Variants in GALT observed in about 807,000 individuals in gnomAD.
GALT encodes the protein UDP-glucose--hexose-1-phosphate uridylyltransferase.
In GALT, 42 loss-of-function variants were observed where a neutral mutation model predicts 55.4. The observed-to-expected ratio is 0.76, with a 90% CI of 0.59 to 0.98. The LOEUF is 0.98. Ranked by LOEUF, GALT falls within the 50% of genes least tolerant of loss-of-function variation. The pLI, the probability that GALT is intolerant of heterozygous loss-of-function variation, is 0.00. For missense variants in GALT, 407 were observed against 495.7 expected (o/e 0.82, Z 1.70); for synonymous variants, 154 against 181.5 (o/e 0.85, Z 1.22).
chr9:34,650,055 G>A (rs1587241307), intron 10 of GALT: 1 of 382,996 alleles, frequency 2.6e-6, no homozygotes, highest in East Asian at 5.3e-5. Flanking sequence ...CAAGATGGGA[G>A]GATTGCTTGA....
chr9:34,648,701 G>A lies in GALT; in HGVS notation c.688-61G>A. ...TTTCTTCTGCTTCCCTTGCCTATTT[G>A]CTGACCACACTCCGGCTCCTATGTC... On this transcript the variant is annotated intron_variant, in intron 7 of 10. Transcript: ENST00000378842. The surrounding 1 kb of genome is among the most constrained non-coding windows in gnomAD (Gnocchi z 4.9). 6.2e-7 allele frequency: 1 copy of A among 1,604,848 alleles called. No individual in the cohort carries two copies.
chr9:34,649,681 C>A (rs1821206635), intron 10 of GALT, 117 bp downstream of exon 10: 1 of 1,264,848 alleles, frequency 7.9e-7, no homozygotes, highest in Non-Finnish European at 1.1e-6. Context: ...ACAGCTCTGG[C>A]AGGAAGGGAC....
chr9:34,650,526 C>G lies in GALT; in HGVS notation c.*77C>G. On this transcript the variant is annotated 3_prime_UTR_variant, in exon 11 of 11. Coordinates refer to ENST00000378842, the MANE Select transcript of GALT (RefSeq NM_000155.4). ...GAATTAAGCAGAAAGGGCCTTGAAT[C>G]CTGGCCTGGAATTTGGGCAGATATA... 1 of 1,362,134 alleles carries G rather than the reference C, an allele frequency of 7.3e-7. No homozygotes were observed. The highest frequency in any genetic ancestry group is 1.0e-6 in the Non-Finnish European group (1 of 955,520). 84.4% of individuals were successfully genotyped at this position (1,362,134 alleles called of 1,614,324 possible).
rs111033780 is a variant in GALT at position 34,649,048 on chromosome 9, G to C, written c.871G>C (p.Glu291Gln). ...KLLTKYDNLF[E>Q]TSFPYSMGWH... Reference sequence around the variant, plus strand: ...CTTGACCAAGTATGACAACCTCTTTGAGACGTCCTTTCCCTACTCCATGGG... The same window carrying C: ...CTTGACCAAGTATGACAACCTCTTTCAGACGTCCTTTCCCTACTCCATGGG... Residue 291 changes from glutamate to glutamine, a missense_variant, in exon 9 of 11, where the codon GAG becomes CAG. Glu to Gln is a conservative substitution (Grantham distance 29, BLOSUM62 2). Transcript: ENST00000378842. 6.2e-7 allele frequency: 1 copy of C among 1,614,100 alleles called. No individual in the cohort carries two copies. Among genetic ancestry groups the C allele is most frequent in the Non-Finnish European group, 8.5e-7 (1 of 1,180,010 alleles).
rs111033806 is a variant in GALT, at chr9:34,649,523, G to A, written c.1018G>A (p.Glu340Lys). Residue 340 changes from glutamate to lysine, a missense_variant, in exon 10 of 11, where the codon GAA becomes AAA. Coordinates refer to ENST00000378842, the MANE Select transcript of GALT (RefSeq NM_000155.4). ...TGTCCGGAAATTCATGGTTGGCTACGAAATGCTTGCTCAGGCTCAGAGGGA... is the reference window on the plus strand; with the variant it reads ...TGTCCGGAAATTCATGGTTGGCTACAAAATGCTTGCTCAGGCTCAGAGGGA... ...ATVRKFMVGY[E>K]MLAQAQRDLT... 1.9e-6 allele frequency: 3 copies of A among 1,614,182 alleles called. No homozygotes were observed. The highest frequency in any genetic ancestry group is 2.7e-5 in the African/African-American group (2 of 75,046).
rs762361648 is a variant in GALT, at chr9:34,648,555, G to C, written c.687+99G>C. ...AGAAAGCTAGAGGTGAACTAGTAGA[G>C]AGAGACTTGCTAGGAGGCCTTAGCA... On this transcript the variant is annotated intron_variant, in intron 7 of 10. Transcript: ENST00000378842. This position sits in a 1 kb window ranked among gnomAD's most constrained non-coding sequence, Gnocchi z 4.9. The C allele has an allele frequency of 6.3e-7, 1 of 1,587,940 alleles. No homozygotes were observed. The highest frequency in any genetic ancestry group is 8.6e-7 in the Non-Finnish European group (1 of 1,158,234).
At position 34,648,249 on chromosome 9, in the gene GALT, G is replaced by A. The variant is rs1821159634; in HGVS notation, c.564+78G>A. On this transcript the variant is annotated intron_variant, in intron 6 of 10. Transcript: ENST00000378842. The surrounding 1 kb of genome is among the most constrained non-coding windows in gnomAD (Gnocchi z 4.9). Reference sequence around the variant, plus strand: ...TGTGGACATGGGAACAGGATTAATGGATGGGACAGAGGAAATATGCCAATG... The same window carrying A: ...TGTGGACATGGGAACAGGATTAATGAATGGGACAGAGGAAATATGCCAATG... 6.2e-7 allele frequency: 1 copy of A among 1,613,820 alleles called. No homozygotes were observed. The highest frequency in any genetic ancestry group is 8.5e-7 in the Non-Finnish European group (1 of 1,180,036).
rs1821203474 is a variant in GALT, at chr9:34,649,560, A to G, written c.1055A>G (p.Glu352Gly). ...LAQAQRDLTPEQAAERLRALP... is the reference protein window; with the variant it reads ...LAQAQRDLTPGQAAERLRALP... ...CAGGCTCAGAGGGACCTCACCCCTGAGCAGGTCAGGACTCAGAACAGTCTG... is the reference window on the plus strand; with the variant it reads ...CAGGCTCAGAGGGACCTCACCCCTGGGCAGGTCAGGACTCAGAACAGTCTG... Residue 352 changes from glutamate (E) to glycine (G), a missense_variant, in exon 10 of 11, where the codon GAG becomes GGG. By Grantham distance (98) the Glu-to-Gly change is moderately conservative. Transcript: ENST00000378842. 1.2e-6 allele frequency: 2 copies of G among 1,614,156 alleles called. No individual in the cohort carries two copies. The highest frequency in any genetic ancestry group is 8.5e-7 in the Non-Finnish European group (1 of 1,180,024).
chr9:34,650,506 A>AAGCAG lies in GALT; in HGVS notation c.*59_*63dup. On this transcript the variant is annotated 3_prime_UTR_variant, in exon 11 of 11. Coordinates refer to ENST00000378842, the MANE Select transcript of GALT (RefSeq NM_000155.4). ...TTGTTTTCAACAGTCTTGCTGAATT[A>AAGCAG]AGCAGAAAGGGCCTTGAATCCTGGC... 3 of 1,509,764 alleles carry AAGCAG rather than the reference A, an allele frequency of 2.0e-6. No individual in the cohort carries two copies. Among genetic ancestry groups the AAGCAG allele is most frequent in the Non-Finnish European group, 2.8e-6 (3 of 1,086,102 alleles). 93.5% of individuals were successfully genotyped at this position (1,509,764 alleles called of 1,614,324 possible).
At position 34,650,556 on chromosome 9, in the gene GALT, T is replaced by C; in HGVS notation, c.*107T>C. 1.1e-6 allele frequency: 1 copy of C among 937,574 alleles called. No individual in the cohort carries two copies. The highest frequency in any genetic ancestry group is 1.7e-6 in the Non-Finnish European group (1 of 589,218). The allele number at this position is 937,574 out of a possible 1,614,324, so 58.1% of individuals were successfully genotyped here. A position where few individuals can be genotyped will look rare whatever the true frequency, so the allele number is the denominator to read the frequency against. On this transcript the variant is annotated 3_prime_UTR_variant, in exon 11 of 11. Transcript: ENST00000378842. ...CCTGGAATTTGGGCAGATATAGCAT[T>C]AATAAAACTGTGCATCTCAAACTTT...
rs924940876 is a variant in GALT, at chr9:34,647,779, G to A, written c.378-53G>A. On this transcript the variant is annotated intron_variant, in intron 4 of 10. Transcript: ENST00000378842. This position sits in a 1 kb window ranked among gnomAD's most constrained non-coding sequence, Gnocchi z 5.6. ...TCAGCATTGGGGTTCGGCCCTGCCCGTAGCACAGCCAAGCCCTACCTCTCG... is the reference window on the plus strand; with the variant it reads ...TCAGCATTGGGGTTCGGCCCTGCCCATAGCACAGCCAAGCCCTACCTCTCG... 25 of 1,613,992 alleles carry A rather than the reference G, an allele frequency of 1.5e-5. No homozygotes were observed. The Admixed American group carries it at 1.8e-4, about 12-fold the overall frequency.
At position 34,648,739 on chromosome 9, in the gene GALT, TC is replaced by T. The variant is rs1821174189; in HGVS notation, c.688-21del. On this transcript the variant is annotated intron_variant, in intron 7 of 10. Transcript: ENST00000378842. This position sits in a 1 kb window ranked among gnomAD's most constrained non-coding sequence, Gnocchi z 4.9. ...CGGCTCCTATGTCACCTTGATGACTTCCTATCCATTCTGTCTTCCTAGGAAC... is the reference window on the plus strand; with the variant it reads ...CGGCTCCTATGTCACCTTGATGACTTCTATCCATTCTGTCTTCCTAGGAAC... 1 of 1,612,354 alleles carries T rather than the reference TC, an allele frequency of 6.2e-7. No homozygotes were observed. Among genetic ancestry groups the T allele is most frequent in the East Asian group, 2.2e-5 (1 of 44,882 alleles).
chr9:34,646,678 T>C lies in GALT; in HGVS notation c.-27T>C. The C allele has an allele frequency of 1.2e-6, 2 of 1,613,292 alleles. No individual in the cohort carries two copies. Among genetic ancestry groups the C allele is most frequent in the South Asian group, 2.2e-5 (2 of 91,058 alleles). On this transcript the variant is annotated 5_prime_UTR_variant, in exon 1 of 11. Transcript: ENST00000378842. ...GAAAGGTGAGGCACGGCCCTGCAGA[T>C]TTTCCAGCGGATCCCCCGGTGGCCT...
Position 34,650,138 on chromosome 9 carries a change from C to T in GALT, c.1060-231C>T, listed in dbSNP as rs979041581. The T allele has an allele frequency of 1.1e-4, 56 of 525,628 alleles. 3 individuals are homozygous for T. The South Asian group carries it at 1.3e-3, about 12-fold the overall frequency. 32.6% of individuals were successfully genotyped at this position (525,628 alleles called of 1,614,324 possible). A position where few individuals can be genotyped will look rare whatever the true frequency, so the allele number is the denominator to read the frequency against. On this transcript the variant is annotated intron_variant, in intron 10 of 10. Transcript: ENST00000378842. ...CTACAAAAAAAATTTAAAAAGTTAG[C>T]CAGGTATGGTGGCATATACTTGTGG...
In GALT at chr9:34,647,039, G is replaced by C; in HGVS notation, c.83-50G>C. 1 of 1,613,354 alleles carries C rather than the reference G, an allele frequency of 6.2e-7. No individual in the cohort carries two copies. The highest frequency in any genetic ancestry group is 8.5e-7 in the Non-Finnish European group (1 of 1,179,688). On this transcript the variant is annotated intron_variant, in intron 1 of 10. Transcript: ENST00000378842. This position sits in a 1 kb window ranked among gnomAD's most constrained non-coding sequence, Gnocchi z 5.6. The stretch of plus-strand genomic sequence containing the variant: ...GCCTGCTGGTGGGTGAGACCCAGGA[G>C]AGAGGGAGCTAGAGAGCTCTGAGGA...
At position 34,647,835 on chromosome 9, in the gene GALT, G is replaced by A; in HGVS notation, c.381G>A (p.Lys127=). The A allele has an allele frequency of 1.2e-6, 2 of 1,614,228 alleles. No individual in the cohort carries two copies. Among genetic ancestry groups the A allele is most frequent in the Admixed American group, 1.7e-5 (1 of 60,030 alleles). ...FQAKSARGVC[K]VMCFHPWSDV... ...CTTTTCTCCCGTCACCACCCAGTAAGGTCATGTGCTTCCACCCCTGGTCGG... is the reference window on the plus strand; with the variant it reads ...CTTTTCTCCCGTCACCACCCAGTAAAGTCATGTGCTTCCACCCCTGGTCGG... The change falls in exon 5 of 11, where the codon AAG becomes AAA. Residue 127 remains lysine (K), a synonymous_variant. Transcript: ENST00000378842. This position sits in a 1 kb window ranked among gnomAD's most constrained non-coding sequence, Gnocchi z 5.6.
Position 34,646,700 on chromosome 9 carries a change from G to A in GALT, c.-5G>A. 6.2e-7 allele frequency: 1 copy of A among 1,613,706 alleles called. No individual in the cohort carries two copies. Among genetic ancestry groups the A allele is most frequent in the Non-Finnish European group, 8.5e-7 (1 of 1,179,982 alleles). ...AGATTTTCCAGCGGATCCCCCGGTG[G>A]CCTCATGTCGCGCAGTGGAACCGAT... On this transcript the variant is annotated 5_prime_UTR_variant, in exon 1 of 11. Transcript: ENST00000378842.
At chr9:34,646,975 C>T in intron 1 of GALT, 114 bp from the exon 2 acceptor site, 4 of 1,606,462 alleles carry the variant, frequency 2.5e-6, no homozygotes, top group Non-Finnish European at 3.4e-6. Flanking sequence ...CCTCTAGCTC[C>T]TGAGCGGGAC....
rs148325137 is a variant in GALT at position 34,647,883 on chromosome 9, G to A, written c.429G>A (p.Ser143=). 1.3e-5 allele frequency: 21 copies of A among 1,614,054 alleles called. No individual in the cohort carries two copies. Among genetic ancestry groups the A allele is most frequent in the Admixed American group, 5.0e-5 (3 of 60,000 alleles). ...CGGATGTAACGCTGCCACTCATGTC[G>A]GTCCCTGAGATCCGGGCTGTTGTTG... ...PWSDVTLPLM[S]VPEIRAVVDA... The change falls in exon 5 of 11, where the codon TCG becomes TCA. Residue 143 remains serine, a synonymous_variant. Transcript: ENST00000378842. The surrounding 1 kb of genome is among the most constrained non-coding windows in gnomAD (Gnocchi z 5.6).
Sources: allele counts gnomAD v4.1 joint callset, GRCh38; gene constraint gnomAD v4.1.1; non-coding constraint Gnocchi (gnomAD v3.1); transcripts MANE v1.5; gene names NCBI Gene and HGNC (gene_info 2026-07-23, HGNC 2026-07-21).